SGCZ: variants seen among roughly 807,000 people sequenced by gnomAD.
The protein encoded by SGCZ is sarcoglycan zeta.
In SGCZ, 40 loss-of-function variants were observed where a neutral mutation model predicts 41.3. The observed-to-expected ratio is 0.97, with a 90% confidence interval of 0.75 to 1.26. The LOEUF (loss-of-function observed/expected upper bound fraction) is 1.26, where lower values mean the gene tolerates loss of function less well. SGCZ is among the 50% of genes most tolerant of loss of function. The pLI, the probability that SGCZ is intolerant of heterozygous loss-of-function variation, is 0.00. For synonymous variants in SGCZ, 206 were observed against 137.5 expected, an observed-to-expected ratio of 1.50 and a Z score of -3.49; for missense variants, 552 against 369.8, an observed-to-expected ratio of 1.49 and a Z score of -4.04.
chr8:14,470,489 T>TA (rs916297999), intron 2 of SGCZ, among the ~76,000 whole-genome samples: 49 of 152,198 alleles, frequency 3.2e-4, no homozygotes, highest in African/African-American at 1.2e-3. Context: ...AGTCACAACT[T>TA]AAAAAAATAG....
At chr8:14,645,226 A>C (rs1807168864) in intron 1 of SGCZ, among the ~76,000 whole-genome samples, 1 of 151,336 alleles carries the variant, frequency 6.6e-6, no homozygotes, top group South Asian at 2.1e-4. Context: ...TTTGGCTATA[A>C]AAGGGTTCAC....
At chr8:14,791,737 C>T (rs1376620191) in intron 1 of SGCZ, among the ~76,000 whole-genome samples, 1 of 152,160 alleles carries the variant, frequency 6.6e-6, no homozygotes, top group African/African-American at 2.4e-5. Context: ...AGTTCTGATC[C>T]AACCTTCAGT....
intron 4 of SGCZ, among the ~76,000 whole-genome samples, chr8:14,206,240 G>A (rs1386351468): frequency 6.6e-6 from 1 of 152,020 alleles, no homozygotes; most frequent in African/African-American, 2.4e-5. Context: ...TACCTAGTCT[G>A]TAATGTTTAA....
At chr8:15,008,731 GGA>G (rs1802707345) in intron 1 of SGCZ, among the ~76,000 whole-genome samples, 1 of 60,386 alleles carries the variant, frequency 1.7e-5, no homozygotes, top group Non-Finnish European at 3.2e-5. Context: ...GGAGGAGGGG[GGA>G]GGAGGGAGGG....
intron 1 of SGCZ, among the ~76,000 whole-genome samples, chr8:14,847,645 G>T (rs1585315200): frequency 6.8e-6 from 1 of 146,192 alleles, no homozygotes; most frequent in Non-Finnish European, 1.5e-5. Context: ...GAAGGAAGGA[G>T]GGAGGGAGGC....
At chr8:14,763,739 TGAAA>T (rs1232385062) in intron 1 of SGCZ, among the ~76,000 whole-genome samples, 4 of 152,170 alleles carry the variant, frequency 2.6e-5, no homozygotes, top group African/African-American at 7.2e-5. Context: ...AGTTTAACCA[TGAAA>T]GAGTTACTTG....
chr8:14,755,430 G>GA (rs1799633660), intron 1 of SGCZ, among the ~76,000 whole-genome samples: 1 of 80,496 alleles, frequency 1.2e-5, no homozygotes, highest in Admixed American at 1.3e-4. Context: ...AGTGTCAGCT[G>GA]GTTTTTCATA....
chr8:14,602,186 G>A (rs1805615952), intron 1 of SGCZ, among the ~76,000 whole-genome samples: 1 of 151,972 alleles, frequency 6.6e-6, no homozygotes, highest in African/African-American at 2.4e-5. Flanking sequence ...TAATTTTTCT[G>A]CTTCAGAGCT....
intron 4 of SGCZ, among the ~76,000 whole-genome samples, chr8:14,234,427 A>C (rs1251103981): frequency 6.6e-6 from 1 of 152,058 alleles, no homozygotes; most frequent in Non-Finnish European, 1.5e-5. Context: ...TTTTTGAGGA[A>C]AAATGGTACA....
At chr8:15,234,545 T>C (rs1457229) in intron 1 of SGCZ, among the ~76,000 whole-genome samples, 3 of 151,920 alleles carry the variant, frequency 2.0e-5, no homozygotes, top group Non-Finnish European at 4.4e-5. Flanking sequence ...AGATGAAACA[T>C]ACTTACCTTC....
intron 1 of SGCZ, among the ~76,000 whole-genome samples, chr8:14,808,941 G>T (rs1352670553): frequency 1.3e-5 from 2 of 151,478 alleles, no homozygotes; most frequent in African/African-American, 4.9e-5. Flanking sequence ...GGACATGGAT[G>T]AAATTGGAAA....
At chr8:14,429,461 G>A (rs1799881757) in intron 2 of SGCZ, among the ~76,000 whole-genome samples, 1 of 152,176 alleles carries the variant, frequency 6.6e-6, no homozygotes, top group African/African-American at 2.4e-5. Flanking sequence ...CTGGGGCAGA[G>A]AGAAAGAGAG....
At chr8:15,197,422 T>C (rs1800764481) in intron 1 of SGCZ, among the ~76,000 whole-genome samples, 1 of 152,206 alleles carries the variant, frequency 6.6e-6, no homozygotes, top group South Asian at 2.1e-4. Context: ...TCAAAGAGTT[T>C]ACATTTTTGA....
At chr8:14,799,681 TAA>T (rs111382922) in intron 1 of SGCZ, among the ~76,000 whole-genome samples, 1 of 143,726 alleles carries the variant, frequency 7.0e-6, no homozygotes, top group African/African-American at 2.8e-5. Flanking sequence ...AAGGGCAAAA[TAA>T]AAAAAAATTT....
intron 1 of SGCZ, among the ~76,000 whole-genome samples, chr8:15,203,716 A>G (rs577254590): frequency 1.3e-5 from 2 of 152,332 alleles, no homozygotes; most frequent in South Asian, 2.1e-4. Context: ...TGCCGTTCGG[A>G]AAGTCATTTT....
At chr8:14,377,838 G>A (rs1804191637) in intron 2 of SGCZ, among the ~76,000 whole-genome samples, 1 of 151,752 alleles carries the variant, frequency 6.6e-6, no homozygotes, top group African/African-American at 2.4e-5. Context: ...TTTCATCCAT[G>A]TCCCTACAAA....
In SGCZ at chr8:14,296,324, G is replaced by A. The variant is rs144830881; in HGVS notation, c.336+27779C>T. ...GCAGCAATCCATGATCCATACCCAGGAGAAAAGCTGAGAGTTGCCAGCATA... is the reference window on the plus strand; with the variant it reads ...GCAGCAATCCATGATCCATACCCAGAAGAAAAGCTGAGAGTTGCCAGCATA... On this transcript the variant is annotated intron_variant, in intron 3 of 7. Transcript: ENST00000382080. 2.7e-4 allele frequency among the ~76,000 whole-genome samples: 41 copies of A among 152,256 alleles called. No individual in the cohort carries two copies. The East Asian group carries it at 4.6e-3, about 17-fold the overall frequency.
chr8:15,224,494 G>C (rs759715176), intron 1 of SGCZ, among the ~76,000 whole-genome samples: 2 of 152,116 alleles, frequency 1.3e-5, no homozygotes, highest in Non-Finnish European at 2.9e-5. Flanking sequence ...AACTGAGTTT[G>C]CTACTACCAT....
At chr8:14,636,032 G>T (rs1806817030) in intron 1 of SGCZ, among the ~76,000 whole-genome samples, 1 of 151,742 alleles carries the variant, frequency 6.6e-6, no homozygotes, top group South Asian at 2.1e-4. Context: ...TCCAAATTAG[G>T]CCTAATTATT....
Sources: allele counts gnomAD v4.1 joint callset (sites outside exome capture counted in the v4.1 genomes callset), GRCh38; gene constraint gnomAD v4.1.1; transcripts MANE v1.5; gene names NCBI Gene and HGNC (gene_info 2026-07-23, HGNC 2026-07-21).